Variants in SPHKAP observed in about 807,000 individuals in gnomAD.
SPHKAP encodes the protein A-kinase anchor protein SPHKAP.
Under a neutral mutation model 137.5 loss-of-function variants are expected in SPHKAP, and 67 were observed. That is an observed-to-expected ratio of 0.49 (90% CI 0.40 to 0.60). The LOEUF (loss-of-function observed/expected upper bound fraction) is 0.60, where lower values mean the gene tolerates loss of function less well. Among genes scored for constraint, SPHKAP ranks in the 20% least tolerant of loss-of-function variants. SPHKAP has a pLI of 0.00. For synonymous variants in SPHKAP, 813 were observed against 785.3 expected (o/e 1.04, Z -0.59); for missense variants, 2,097 against 2,069.3 (o/e 1.01, Z -0.26).
chr2:228,082,655 G>A (rs942296480), intron 3 of SPHKAP, among the ~76,000 whole-genome samples: 7 of 152,154 alleles, frequency 4.6e-5, no homozygotes, highest in South Asian at 2.1e-4. Flanking sequence ...GGTATAAATA[G>A]TGTGAAGACA....
chr2:228,062,424 C>G (rs1308550437), intron 3 of SPHKAP, among the ~76,000 whole-genome samples: 1 of 152,078 alleles, frequency 6.6e-6, no homozygotes, highest in African/African-American at 2.4e-5. Context: ...CCACCACACC[C>G]GGCCTCCCCA....
chr2:228,033,317 A>G (rs1268645205), intron 3 of SPHKAP, among the ~76,000 whole-genome samples: 1 of 152,258 alleles, frequency 6.6e-6, no homozygotes, highest in East Asian at 1.9e-4. Flanking sequence ...TCAATTCAAC[A>G]AGAATAGCTA....
At chr2:228,012,714 G>T (rs1694435405) in intron 7 of SPHKAP, among the ~76,000 whole-genome samples, 1 of 152,138 alleles carries the variant, frequency 6.6e-6, no homozygotes, top group Non-Finnish European at 1.5e-5. Flanking sequence ...TCAAATATTT[G>T]TTGGATGAAT....
At chr2:228,155,456 G>C (rs1458550320) in intron 1 of SPHKAP, among the ~76,000 whole-genome samples, 1 of 152,132 alleles carries the variant, frequency 6.6e-6, no homozygotes, top group Non-Finnish European at 1.5e-5. Context: ...TATGATATAA[G>C]TATGTGTTTC....
In SPHKAP at chr2:228,021,757, A is replaced by C; in HGVS notation, c.651T>G (p.Ala217=). The C allele has an allele frequency of 6.2e-7, 1 of 1,614,118 alleles. No homozygotes were observed. Among genetic ancestry groups the C allele is most frequent in the Non-Finnish European group, 8.5e-7 (1 of 1,179,992 alleles). Residue 217 remains alanine, a synonymous_variant, in exon 6 of 12, where the codon GCT becomes GCG. Transcript: ENST00000392056. ...CGCTTTCCTCCTCCAAGTGCTCAGA[A>C]GCGGTGAGAAAGTCTTCCTCGATTG... is the stretch of plus-strand genomic sequence containing the variant. ...LSSIEEDFLT[A]SEHLEEESEV... is the part of the protein sequence containing the mutation.
In SPHKAP at chr2:228,141,958, A is replaced by T. The variant is rs142641183; in HGVS notation, c.33-9873T>A. ...TTTTTCTGTTTGCCTTCTTAATTTG[A>T]TTGGCAAATCCTTCCCTCTAGGGAT... is the stretch of plus-strand genomic sequence containing the variant. On this transcript the variant is annotated intron_variant, in intron 1 of 11. Coordinates refer to ENST00000392056, the MANE Select transcript of SPHKAP (RefSeq NM_001142644.2). Among the ~76,000 whole-genome samples the T allele has an allele frequency of 3.3e-5, 5 of 152,252 alleles. No individual in the cohort carries two copies. In the East Asian group the frequency reaches 9.6e-4, roughly 29 times the overall value.
intron 7 of SPHKAP, 134 bp downstream of exon 7, chr2:228,016,272 T>G (rs1694585633): frequency 1.5e-6 from 2 of 1,326,016 alleles, no homozygotes; most frequent in Non-Finnish European, 2.0e-6. Flanking sequence ...TTAACTCATT[T>G]TTTTTTTTTT....
intron 9 of SPHKAP, 84 bp downstream of exon 9, chr2:227,993,450 G>T: frequency 7.8e-7 from 1 of 1,276,082 alleles, no homozygotes; most frequent in Non-Finnish European, 1.1e-6. Context: ...TCAGTGGTTG[G>T]GCACAACCTG....
intron 2 of SPHKAP, among the ~76,000 whole-genome samples, chr2:228,117,842 T>C (rs1163134098): frequency 6.6e-6 from 1 of 151,434 alleles, no homozygotes; most frequent in Admixed American, 6.6e-5. Flanking sequence ...TTTTTTTTTT[T>C]TTTCTGTAGA....
chr2:228,061,989 A>G (rs1323633917), intron 3 of SPHKAP, among the ~76,000 whole-genome samples: 1 of 151,976 alleles, frequency 6.6e-6, no homozygotes, highest in African/African-American at 2.4e-5. Flanking sequence ...CCAGCTTGGA[A>G]ATATGTTTAG....
chr2:228,118,014 A>G (rs1320362800), intron 2 of SPHKAP, among the ~76,000 whole-genome samples: 1 of 152,046 alleles, frequency 6.6e-6, no homozygotes, highest in African/African-American at 2.4e-5. Context: ...TTGTATCCCT[A>G]CACAATATTA....
intron 1 of SPHKAP, among the ~76,000 whole-genome samples, chr2:228,152,685 AT>A (rs1012714933): frequency 6.2e-5 from 9 of 145,084 alleles, no homozygotes; most frequent in African/African-American, 2.3e-4. Context: ...GTCAAGTTTT[AT>A]TATTTTTTGG....
At chr2:228,069,437 C>G (rs1364666349) in intron 3 of SPHKAP, among the ~76,000 whole-genome samples, 4 of 100,726 alleles carry the variant, frequency 4.0e-5, no homozygotes, top group Non-Finnish European at 7.6e-5. Flanking sequence ...CCTCTTTTTT[C>G]TTTCTTTCTT....
In SPHKAP at chr2:228,018,669, G is replaced by T; in HGVS notation, c.2185C>A (p.Arg729=). The part of the protein sequence containing the change: ...FTFKKMSHIV[R]LGECPAVLSK... ...AGGACAGCAGGACATTCACCAAGCC[G>T]TACAATATGACTCATCTTCTTGAAC... The change falls in exon 7 of 12, where the codon CGG becomes AGG. Residue 729 remains arginine (R), a synonymous_variant. Transcript: ENST00000392056. 6.2e-7 allele frequency: 1 copy of T among 1,614,164 alleles called. No individual in the cohort carries two copies. The highest frequency in any genetic ancestry group is 1.1e-5 in the South Asian group (1 of 91,082).
intron 1 of SPHKAP, among the ~76,000 whole-genome samples, chr2:228,145,510 G>A (rs1699749723): frequency 6.6e-6 from 1 of 152,170 alleles, no homozygotes; most frequent in African/African-American, 2.4e-5. Flanking sequence ...GGTGATTTTG[G>A]CTCCCATTTT....
chr2:228,154,095 A>T (rs1054636686), intron 1 of SPHKAP, among the ~76,000 whole-genome samples: 1 of 152,200 alleles, frequency 6.6e-6, no homozygotes, highest in African/African-American at 2.4e-5. Context: ...TGCAAAAATG[A>T]AAAATAGAAT....
At chr2:228,033,180 G>T (rs527596724) in intron 3 of SPHKAP, among the ~76,000 whole-genome samples, 2 of 152,086 alleles carry the variant, frequency 1.3e-5, no homozygotes, top group African/African-American at 2.4e-5. Context: ...AGGGATGGAG[G>T]AAGATCTACC....
chr2:228,005,794 C>A (rs1694105065), intron 7 of SPHKAP, among the ~76,000 whole-genome samples: 1 of 152,144 alleles, frequency 6.6e-6, no homozygotes, highest in African/African-American at 2.4e-5. Flanking sequence ...TATTTTATTT[C>A]TCCTTCACTT....
intron 3 of SPHKAP, among the ~76,000 whole-genome samples, chr2:228,046,177 G>T (rs1330835156): frequency 6.6e-6 from 1 of 151,324 alleles, no homozygotes; most frequent in East Asian, 1.9e-4. Context: ...AAATCAAGGT[G>T]TATACCCTGA....
Sources: gnomAD v4.1 joint callset for allele counts (sites outside exome capture counted in the v4.1 genomes callset) on GRCh38, gnomAD v4.1.1 for gene constraint, MANE v1.5 for transcripts, NCBI Gene and HGNC (gene_info 2026-07-23, HGNC 2026-07-21) for gene names.